Variants in NT5DC3 observed in about 807,000 individuals in gnomAD.
NT5DC3 encodes the protein 5'-nucleotidase domain-containing protein 3.
In NT5DC3, 42 loss-of-function variants were observed where a neutral mutation model predicts 67.8. That is an observed-to-expected ratio of 0.62 (90% CI 0.48 to 0.80). The LOEUF (loss-of-function observed/expected upper bound fraction) is 0.80. Among genes scored for constraint, NT5DC3 ranks in the 30% least tolerant of loss-of-function variants. The pLI is 0.00. For synonymous variants in NT5DC3, 237 were observed against 255.6 expected (o/e 0.93, Z 0.69); for missense variants, 570 against 696.4 (o/e 0.82, Z 2.04).
chr12:103,767,695 T>C (rs1360507112), downstream of NT5DC3, among the ~76,000 whole-genome samples: 1 of 152,016 alleles, frequency 6.6e-6, no homozygotes, highest in Non-Finnish European at 1.5e-5. Context: ...TTGGACACAC[T>C]GCAAGAGTGA....
the NT5DC3 span, chr12:103,748,959 G>A: frequency 1.2e-6 from 2 of 1,611,792 alleles, no homozygotes; most frequent in African/African-American, 1.3e-5. Flanking sequence ...CTCTGCTCTT[G>A]CAGTTGTGGA....
At chr12:103,828,959 C>T (rs548255089) in intron 1 of NT5DC3, among the ~76,000 whole-genome samples, 3 of 152,130 alleles carry the variant, frequency 2.0e-5, no homozygotes, top group African/African-American at 7.2e-5. Context: ...TTGGCCTTCC[C>T]AAGTGCTGGG....
chr12:103,795,605 A>T (rs1269479802), intron 6 of NT5DC3, among the ~76,000 whole-genome samples: 1 of 152,202 alleles, frequency 6.6e-6, no homozygotes, highest in Non-Finnish European at 1.5e-5. Flanking sequence ...GCCAAAACTT[A>T]CATTTACTTA....
chr12:103,781,083 T>C (rs1351111476), intron 12 of NT5DC3, among the ~76,000 whole-genome samples: 1 of 152,136 alleles, frequency 6.6e-6, no homozygotes, highest in Non-Finnish European at 1.5e-5. Context: ...AAAAAGAAAA[T>C]GCCAATTGCC....
chr12:103,754,762 C>G, the NT5DC3 span, among the ~76,000 whole-genome samples: 1 of 152,050 alleles, frequency 6.6e-6, no homozygotes, highest in East Asian at 1.9e-4. Flanking sequence ...CCAGCCTGAT[C>G]ATGGAGAAAC....
At chr12:103,758,118 G>A in the NT5DC3 span, 1 of 1,610,924 alleles carries the variant, frequency 6.2e-7, no homozygotes, top group Non-Finnish European at 8.5e-7. Context: ...CAGCCACCCA[G>A]GTCCCTGCAC....
At chr12:103,840,567 T>C (rs1354379128) in intron 1 of NT5DC3, among the ~76,000 whole-genome samples, 1 of 151,412 alleles carries the variant, frequency 6.6e-6, no homozygotes, top group Non-Finnish European at 1.5e-5. Context: ...CTGTTACTAT[T>C]ATTACTATTG....
At chr12:103,756,355 T>C in the NT5DC3 span, among the ~76,000 whole-genome samples, 1 of 152,214 alleles carries the variant, frequency 6.6e-6, no homozygotes, top group Non-Finnish European at 1.5e-5. Context: ...TTCTTGAGCA[T>C]TTAAGAGGAC....
chr12:103,817,662 G>A (rs11610714), intron 1 of NT5DC3, among the ~76,000 whole-genome samples: 60,729 of 151,908 alleles, frequency 0.4, 12,361 homozygotes, highest in South Asian at 0.56. Context: ...TTTCACAAAC[G>A]AAGACACTAG....
In NT5DC3 at chr12:103,814,924, C is replaced by T. The variant is rs1887184183; in HGVS notation, c.393+13G>A. 1.3e-6 allele frequency: 2 copies of T among 1,590,078 alleles called. No homozygotes were observed. Among genetic ancestry groups the T allele is most frequent in the Non-Finnish European group, 1.7e-6 (2 of 1,166,378 alleles). On this transcript the variant is annotated intron_variant, in intron 2 of 13. Transcript: ENST00000392876. The stretch of plus-strand genomic sequence containing the variant: ...AGGGGAGGGAGAAGCCTGAAATGTC[C>T]CTGTGATCTTACCCGGTGTTCATTG...
chr12:103,840,857 G>T, intron 1 of NT5DC3, 92 bp downstream of exon 1: 2 of 615,688 alleles, frequency 3.2e-6, no homozygotes, highest in Admixed American at 4.5e-5. Context: ...GAGGTCCGCA[G>T]CTGGGCTGGT....
At chr12:103,812,154 G>A (rs1887061317) in intron 2 of NT5DC3, among the ~76,000 whole-genome samples, 1 of 152,064 alleles carries the variant, frequency 6.6e-6, no homozygotes, top group Non-Finnish European at 1.5e-5. Flanking sequence ...TAATTACGAA[G>A]GAGCTGGAAG....
the NT5DC3 span, chr12:103,753,245 A>C: frequency 6.2e-7 from 1 of 1,614,158 alleles, no homozygotes; most frequent in African/African-American, 1.3e-5. Context: ...TGTTCCATCT[A>C]CGCTCCCCAC....
chr12:103,798,706 AGC>A (rs776078396), intron 4 of NT5DC3, 29 bp from the exon 5 acceptor site: 2 of 1,481,652 alleles, frequency 1.3e-6, no homozygotes, highest in Non-Finnish European at 1.9e-6. Context: ...GCAGTTAAAG[AGC>A]TCAACTAGAG....
chr12:103,767,449 G>T (rs773940976), downstream of NT5DC3, among the ~76,000 whole-genome samples: 1 of 152,140 alleles, frequency 6.6e-6, no homozygotes, highest in Non-Finnish European at 1.5e-5. Flanking sequence ...TTCTTTTTTG[G>T]ATGATGAGGA....
At chr12:103,804,795 T>C (rs1886726791) in intron 4 of NT5DC3, among the ~76,000 whole-genome samples, 1 of 152,254 alleles carries the variant, frequency 6.6e-6, no homozygotes, top group African/African-American at 2.4e-5. Context: ...CTCACGCCTA[T>C]AATCCCAGCA....
At chr12:103,827,006 GGCC>G in intron 1 of NT5DC3, among the ~76,000 whole-genome samples, 1 of 152,344 alleles carries the variant, frequency 6.6e-6, no homozygotes, top group South Asian at 2.1e-4. Context: ...CACTTTGGGA[GGCC>G]AAGGTAGGCG....
chr12:103,764,837 C>T, the NT5DC3 span, among the ~76,000 whole-genome samples: 25 of 152,100 alleles, frequency 1.6e-4, no homozygotes, highest in East Asian at 1.5e-3. Flanking sequence ...GTGGCTCATG[C>T]GTGTAATCCC....
chr12:103,782,750 C>G (rs935792656), intron 12 of NT5DC3, among the ~76,000 whole-genome samples: 1 of 152,158 alleles, frequency 6.6e-6, no homozygotes, highest in African/African-American at 2.4e-5. Flanking sequence ...TCATGAGACT[C>G]GGCTCCAAAT....
Sources: allele counts gnomAD v4.1 joint callset (sites outside exome capture counted in the v4.1 genomes callset), GRCh38; gene constraint gnomAD v4.1.1; transcripts MANE v1.5; gene names NCBI Gene and HGNC (gene_info 2026-07-23, HGNC 2026-07-21).